ELAPOR1: variants seen among roughly 807,000 people sequenced by gnomAD.
The protein encoded by ELAPOR1 is endosome-lysosome associated apoptosis and autophagy regulator 1.
ELAPOR1 carries 77 observed loss-of-function variants against 119.7 expected under a neutral mutation model. The ratio of observed to expected loss-of-function variants is 0.64; its 90% CI spans 0.54 to 0.78. ELAPOR1 has a LOEUF of 0.78. ELAPOR1 is among the 30% of genes least tolerant of loss of function. ELAPOR1 has a pLI of 0.00. For synonymous variants in ELAPOR1, 481 were observed against 487.2 expected (o/e 0.99, Z 0.17); for missense variants, 1,115 against 1,270.4 (o/e 0.88, Z 1.86).
At position 109,178,837 on chromosome 1, in the gene ELAPOR1, C is replaced by T. The variant is rs148292041; in HGVS notation, c.952+5000C>T. Among the ~76,000 whole-genome samples the T allele has an allele frequency of 8.3e-3, 1,260 of 152,082 alleles. 26 individuals carry two copies. The highest frequency in any genetic ancestry group is 0.029 in the African/African-American group (1,198 of 41,500). ...AAAATTAGCTGGGTGTGGTGGCGCA[C>T]GCCTGTAATCCCAGCTACTTGGGAG... On this transcript the variant is annotated intron_variant, in intron 7 of 21. Coordinates refer to ENST00000369939, the MANE Select transcript of ELAPOR1 (RefSeq NM_020775.5).
chr1:109,174,739 G>C (rs867610482), intron 7 of ELAPOR1, among the ~76,000 whole-genome samples: 1 of 151,324 alleles, frequency 6.6e-6, no homozygotes, highest in Non-Finnish European at 1.5e-5. Context: ...TTTTTGAGAC[G>C]GAGTCTTTCT....
chr1:109,164,692 G>T lies in ELAPOR1; in HGVS notation c.467+1G>T. The T allele has an allele frequency of 6.2e-7, 1 of 1,612,550 alleles. No homozygotes were observed. Among genetic ancestry groups the T allele is most frequent in the Non-Finnish European group, 8.5e-7 (1 of 1,179,068 alleles). On this transcript the variant is annotated splice_donor_variant, in intron 3 of 21. Transcript: ENST00000369939. LOFTEE classifies it high-confidence loss of function. Reference sequence around the variant, plus strand: ...CTGAGTCCACCGGGAACTGTACTTCGTGAGTCTGCACACACCCCCACCCCA... The same window carrying T: ...CTGAGTCCACCGGGAACTGTACTTCTTGAGTCTGCACACACCCCCACCCCA...
chr1:109,173,325 A>T (rs1402991485), intron 5 of ELAPOR1, 149 bp from the exon 6 acceptor site: 1 of 676,138 alleles, frequency 1.5e-6, no homozygotes, highest in Middle Eastern at 4.1e-4. Flanking sequence ...AGTTGGGAAG[A>T]AGGACAGAGC....
At chr1:109,159,536 A>G (rs1399837597) in intron 1 of ELAPOR1, among the ~76,000 whole-genome samples, 2 of 152,230 alleles carry the variant, frequency 1.3e-5, no homozygotes, top group Non-Finnish European at 2.9e-5. Flanking sequence ...CTGCTGGCAC[A>G]CAACCAACAC....
At chr1:109,202,165 T>C (rs1469863641) in intron 21 of ELAPOR1, among the ~76,000 whole-genome samples, 1 of 152,164 alleles carries the variant, frequency 6.6e-6, no homozygotes, top group Non-Finnish European at 1.5e-5. Flanking sequence ...CAGGCTGGAG[T>C]GCAGTGGCAT....
At chr1:109,163,894 AG>A in intron 2 of ELAPOR1, among the ~76,000 whole-genome samples, 1 of 152,272 alleles carries the variant, frequency 6.6e-6, no homozygotes, top group South Asian at 2.1e-4. Flanking sequence ...TGTCATTCAG[AG>A]GGGTCAGCAC....
At chr1:109,128,468 C>T (rs1181075031) in intron 1 of ELAPOR1, among the ~76,000 whole-genome samples, 2 of 152,254 alleles carry the variant, frequency 1.3e-5, no homozygotes, top group African/African-American at 2.4e-5. Context: ...TGGCTAGTAA[C>T]CCACTCTGGG....
At chr1:109,153,447 A>T (rs186311723) in intron 1 of ELAPOR1, among the ~76,000 whole-genome samples, 1 of 152,366 alleles carries the variant, frequency 6.6e-6, no homozygotes, top group Non-Finnish European at 1.5e-5. Context: ...CATTAAGGAC[A>T]TGGGAAAGTG....
At chr1:109,130,828 C>T (rs1400432224) in intron 1 of ELAPOR1, among the ~76,000 whole-genome samples, 2 of 152,136 alleles carry the variant, frequency 1.3e-5, no homozygotes, top group Non-Finnish European at 2.9e-5. Context: ...AACTTAGCAG[C>T]TTAAAATAAC....
At chr1:109,127,407 G>C (rs1324638370) in intron 1 of ELAPOR1, among the ~76,000 whole-genome samples, 1 of 151,268 alleles carries the variant, frequency 6.6e-6, no homozygotes, top group African/African-American at 2.4e-5. Flanking sequence ...GTAGAGATGG[G>C]GTTTCACCAT....
At chr1:109,133,089 G>A (rs1649249571) in intron 1 of ELAPOR1, among the ~76,000 whole-genome samples, 1 of 152,012 alleles carries the variant, frequency 6.6e-6, no homozygotes, top group Non-Finnish European at 1.5e-5. Flanking sequence ...AATTAACCAG[G>A]CATGGTGGCT....
At chr1:109,188,049 C>T (rs1653164516) in intron 8 of ELAPOR1, 128 bp from the exon 9 acceptor site, 15 of 1,436,434 alleles carry the variant, frequency 1.0e-5, no homozygotes, top group Non-Finnish European at 1.3e-5. Flanking sequence ...ACAAAGTTCC[C>T]CACCCCAGAG....
intron 16 of ELAPOR1, 66 bp from the exon 17 acceptor site, chr1:109,197,913 G>A (rs1291402702): frequency 3.7e-6 from 5 of 1,355,106 alleles, no homozygotes; most frequent in Non-Finnish European, 5.3e-6. Flanking sequence ...ACAGGTATTG[G>A]AAGAATTGAA....
intron 1 of ELAPOR1, among the ~76,000 whole-genome samples, chr1:109,145,611 G>A (rs754098072): frequency 6.6e-6 from 1 of 152,108 alleles, no homozygotes; most frequent in Non-Finnish European, 1.5e-5. Context: ...AACCGAGATC[G>A]TGCCACTGCA....
At chr1:109,190,035 G>T (rs1653332871) in intron 11 of ELAPOR1, among the ~76,000 whole-genome samples, 1 of 152,076 alleles carries the variant, frequency 6.6e-6, no homozygotes, top group South Asian at 2.1e-4. Context: ...CTTTATTTGG[G>T]GCAAGAAGAT....
intron 1 of ELAPOR1, among the ~76,000 whole-genome samples, chr1:109,128,650 A>G (rs1394059079): frequency 6.6e-6 from 1 of 152,214 alleles, no homozygotes; most frequent in African/African-American, 2.4e-5. Context: ...ACTATTTCTA[A>G]AGGAAACCTG....
intron 1 of ELAPOR1, among the ~76,000 whole-genome samples, chr1:109,127,650 T>C (rs1648877332): frequency 6.6e-6 from 1 of 152,162 alleles, no homozygotes; most frequent in South Asian, 2.1e-4. Flanking sequence ...CACGGCAGCC[T>C]TGAGCTTCTG....
chr1:109,123,459 G>T (rs901720518), intron 1 of ELAPOR1, among the ~76,000 whole-genome samples: 2 of 152,114 alleles, frequency 1.3e-5, no homozygotes, highest in African/African-American at 2.4e-5. Context: ...GTATCTGTTG[G>T]TATAGATCAC....
Position 109,172,581 on chromosome 1 carries a change from C to G in ELAPOR1, c.696+13C>G. 1 of 1,601,820 alleles carries G rather than the reference C, an allele frequency of 6.2e-7. No homozygotes were observed. On this transcript the variant is annotated intron_variant, in intron 5 of 21. Transcript: ENST00000369939. Reference sequence around the variant, plus strand: ...GGAATTCCACAGTGTGAGTATCACACCAGCCTTCTCCCAGAGATCCCAGAA... The same window carrying G: ...GGAATTCCACAGTGTGAGTATCACAGCAGCCTTCTCCCAGAGATCCCAGAA...
Sources: gnomAD v4.1 joint callset for allele counts (sites outside exome capture counted in the v4.1 genomes callset) on GRCh38, gnomAD v4.1.1 for gene constraint, MANE v1.5 for transcripts, NCBI Gene and HGNC (gene_info 2026-07-23, HGNC 2026-07-21) for gene names.